The following NDUFA9 variants were observed in gnomAD, a reference collection of about 807,000 sequenced individuals.
NDUFA9 encodes NADH dehydrogenase [ubiquinone] 1 alpha subcomplex subunit 9, mitochondrial.
Under a neutral mutation model 45.9 loss-of-function variants are expected in NDUFA9, and 23 were observed. The observed-to-expected ratio is 0.50, with a 90% CI of 0.36 to 0.71. The LOEUF is 0.71. Among genes scored for constraint, NDUFA9 ranks in the 30% least tolerant of loss-of-function variants. The pLI is 0.00. For synonymous variants in NDUFA9, 176 were observed against 170.5 expected (o/e 1.03, Z -0.25); for missense variants, 466 against 488.2 (o/e 0.95, Z 0.43).
chr12:4,669,855 A>G (rs1945875942), intron 8 of NDUFA9, 38 bp downstream of exon 8: 1 of 1,419,556 alleles, frequency 7.0e-7, no homozygotes, highest in Non-Finnish European at 1.0e-6. Flanking sequence ...TTGTGCTATT[A>G]TAATGAAGGA....
chr12:4,664,300 G>C (rs999926482), intron 6 of NDUFA9, among the ~76,000 whole-genome samples: 2 of 152,218 alleles, frequency 1.3e-5, no homozygotes, highest in Non-Finnish European at 2.9e-5. Context: ...GCAGAAGCCA[G>C]GAATAGAGAT....
In NDUFA9 at chr12:4,668,496, G is replaced by A; in HGVS notation, c.695G>A (p.Gly232Asp). The stretch of plus-strand genomic sequence containing the variant: ...GGTCCTATACCCCTTGGTTCCTTGG[G>A]CTGGAAGACAGTTAAACAACCAGTA... ...RFGPIPLGSL[G>D]WKTVKQPVYV... The change falls in exon 7 of 11, where the codon GGC becomes GAC. Residue 232 changes from glycine (G) to aspartate (D), a missense_variant. Coordinates refer to ENST00000266544, the MANE Select transcript of NDUFA9 (RefSeq NM_005002.5). 1 of 1,613,596 alleles carries A rather than the reference G, an allele frequency of 6.2e-7. No individual in the cohort carries two copies. The highest frequency in any genetic ancestry group is 8.5e-7 in the Non-Finnish European group (1 of 1,179,584).
In NDUFA9 at chr12:4,687,064, G is replaced by A. The variant is rs1945991620; in HGVS notation, c.1090G>A (p.Ala364Thr). Residue 364 changes from alanine to threonine, a missense_variant, in exon 11 of 11, where the codon GCT becomes ACT. By Grantham distance (58) the Ala-to-Thr change is moderately conservative (BLOSUM62 0). Transcript: ENST00000266544. ...RRHRTYRWLS[A>T]EIEDVKPAKT... The stretch of plus-strand genomic sequence containing the variant: ...TCATCGCACTTACCGCTGGCTGTCT[G>A]CTGAAATTGAGGATGTGAAGCCGGC... The A allele has an allele frequency of 1.2e-6, 2 of 1,614,156 alleles. No individual in the cohort carries two copies. The highest frequency in any genetic ancestry group is 2.2e-5 in the East Asian group (1 of 44,884).
chr12:4,649,317 T>TG, intron 1 of NDUFA9, 142 bp downstream of exon 1: 1 of 944,422 alleles, frequency 1.1e-6, no homozygotes, highest in South Asian at 1.6e-5. Context: ...TGCCTCAGTC[T>TG]GGTTTCTCCT....
At chr12:4,681,230 A>G (rs1945950461) in intron 8 of NDUFA9, among the ~76,000 whole-genome samples, 1 of 152,216 alleles carries the variant, frequency 6.6e-6, no homozygotes, top group Non-Finnish European at 1.5e-5. Flanking sequence ...AATCCAAGCC[A>G]TAAAGAAAAT....
intron 8 of NDUFA9, among the ~76,000 whole-genome samples, chr12:4,673,038 G>A (rs2137478322): frequency 6.6e-6 from 1 of 152,354 alleles, no homozygotes; most frequent in East Asian, 1.9e-4. Context: ...GGAAGGAACA[G>A]GCAACAATCT....
chr12:4,678,467 T>C (rs1485544585), intron 8 of NDUFA9, among the ~76,000 whole-genome samples: 1 of 152,050 alleles, frequency 6.6e-6, no homozygotes, highest in Non-Finnish European at 1.5e-5. Flanking sequence ...TTCACCAAAA[T>C]TAAAGCTCTT....
chr12:4,692,827 G>A lies in NDUFA9; in HGVS notation c.*5719G>A, dbSNP rs1157350499. 1 of 152,462 alleles carries A rather than the reference G, an allele frequency of 6.6e-6. No individual in the cohort carries two copies. Among genetic ancestry groups the A allele is most frequent in the Non-Finnish European group, 1.5e-5 (1 of 68,300 alleles). 9.4% of individuals were successfully genotyped at this position (152,462 alleles called of 1,614,324 possible). On this transcript the variant is annotated 3_prime_UTR_variant, in exon 11 of 11. Coordinates refer to ENST00000266544, the MANE Select transcript of NDUFA9 (RefSeq NM_005002.5). Reference sequence around the variant, plus strand: ...GATAGCATGTGTGTGAGTCCATTTTGTATTGCCATAAAGGAGTACCTGAAG... The same window carrying A: ...GATAGCATGTGTGTGAGTCCATTTTATATTGCCATAAAGGAGTACCTGAAG...
chr12:4,684,019 A>G (rs181982936), intron 9 of NDUFA9, among the ~76,000 whole-genome samples: 3 of 152,340 alleles, frequency 2.0e-5, no homozygotes, highest in African/African-American at 7.2e-5. Context: ...TCATGGTTGT[A>G]TATAAAATTG....
chr12:4,651,135 T>G (rs1196787250), intron 1 of NDUFA9, among the ~76,000 whole-genome samples: 2 of 152,198 alleles, frequency 1.3e-5, no homozygotes, highest in Non-Finnish European at 2.9e-5. Context: ...AGAACGTGCA[T>G]ATAATTTTTT....
At chr12:4,665,637 G>A (rs143572026) in intron 6 of NDUFA9, among the ~76,000 whole-genome samples, 13 of 151,992 alleles carry the variant, frequency 8.6e-5, no homozygotes, top group African/African-American at 3.1e-4. Context: ...TTACTTTTTC[G>A]ACAAGCCACC....
intron 1 of NDUFA9, 121 bp downstream of exon 1, chr12:4,649,296 A>C (rs1945740017): frequency 8.4e-7 from 1 of 1,184,936 alleles, no homozygotes; most frequent in Non-Finnish European, 1.2e-6. Flanking sequence ...TGGTTTCTCT[A>C]GGTTTGGAGC....
chr12:4,684,852 T>G, intron 9 of NDUFA9: 1 of 434,822 alleles, frequency 2.3e-6, no homozygotes, highest in Non-Finnish European at 4.1e-6. Flanking sequence ...AGGGGTTACG[T>G]TGTATATTTT....
intron 8 of NDUFA9, among the ~76,000 whole-genome samples, chr12:4,677,683 T>C (rs1450388751): frequency 1.3e-5 from 2 of 152,184 alleles, no homozygotes; most frequent in Non-Finnish European, 2.9e-5. Context: ...AGTGACGCTT[T>C]TCCACTGTTG....
At chr12:4,679,694 G>A (rs901546962) in intron 8 of NDUFA9, among the ~76,000 whole-genome samples, 6 of 152,170 alleles carry the variant, frequency 3.9e-5, no homozygotes, top group African/African-American at 1.4e-4. Context: ...AGGATAGGAA[G>A]TGGAGGCAAC....
chr12:4,671,556 A>G (rs1191207014), intron 8 of NDUFA9, among the ~76,000 whole-genome samples: 1 of 152,214 alleles, frequency 6.6e-6, no homozygotes, highest in Non-Finnish European at 1.5e-5. Context: ...ACTTAATTCT[A>G]TCGAAATTCC....
chr12:4,665,946 T>G (rs536893463), intron 6 of NDUFA9, among the ~76,000 whole-genome samples: 17 of 152,000 alleles, frequency 1.1e-4, no homozygotes, highest in African/African-American at 3.4e-4. Context: ...GGACTAGAGG[T>G]GTGTACCACC....
chr12:4,669,284 T>A lies in NDUFA9; in HGVS notation c.724-457T>A, dbSNP rs570040970. ...GGGCCAAAATCACTATTACTATTAC[T>A]GTTTTTGAAAATCAAAATGGTAGAA... On this transcript the variant is annotated intron_variant, in intron 7 of 10. Transcript: ENST00000266544. 2.1e-4 allele frequency among the ~76,000 whole-genome samples: 32 copies of A among 152,000 alleles called. No individual in the cohort carries two copies. In the South Asian group the frequency reaches 3.3e-3, roughly 16 times the overall value.
intron 8 of NDUFA9, among the ~76,000 whole-genome samples, chr12:4,678,203 A>G (rs1945931790): frequency 6.6e-6 from 1 of 152,148 alleles, no homozygotes; most frequent in Non-Finnish European, 1.5e-5. Context: ...TGATGGGTGC[A>G]GCAAACCACC....
Sources: gnomAD v4.1 joint callset for allele counts (sites outside exome capture counted in the v4.1 genomes callset) on GRCh38, gnomAD v4.1.1 for gene constraint, MANE v1.5 for transcripts, NCBI Gene and HGNC (gene_info 2026-07-23, HGNC 2026-07-21) for gene names.